Variants in SLC26A4 observed in about 807,000 individuals in gnomAD.
SLC26A4 encodes pendrin.
Under a neutral mutation model 90.4 loss-of-function variants are expected in SLC26A4, and 93 were observed. The observed-to-expected ratio is 1.03, with a 90% CI of 0.87 to 1.22. The LOEUF (loss-of-function observed/expected upper bound fraction) is 1.22. Ranked by LOEUF, SLC26A4 falls within the 50% of genes most tolerant of loss-of-function variation. The pLI is 0.00. For synonymous variants in SLC26A4, 393 were observed against 354.6 expected, an observed-to-expected ratio of 1.11 and a Z score of -1.22; for missense variants, 1,127 against 946.2, an observed-to-expected ratio of 1.19 and a Z score of -2.51.
chr7:107,714,432 G>C (rs1792284751), intron 20 of SLC26A4, among the ~76,000 whole-genome samples: 1 of 152,186 alleles, frequency 6.6e-6, no homozygotes. Context: ...CATTGCTAGA[G>C]TGAAAATCAC....
chr7:107,669,433 T>C (rs1287510407), intron 3 of SLC26A4, among the ~76,000 whole-genome samples: 2 of 152,296 alleles, frequency 1.3e-5, no homozygotes, highest in African/African-American at 4.8e-5. Flanking sequence ...TTTGGGGAAA[T>C]GGAAGTTTGA....
At chr7:107,677,047 C>T (rs973107603) in intron 6 of SLC26A4, among the ~76,000 whole-genome samples, 7 of 152,184 alleles carry the variant, frequency 4.6e-5, no homozygotes, top group South Asian at 4.2e-4. Context: ...CATTGTGGCA[C>T]GCACCTGTAG....
intron 3 of SLC26A4, among the ~76,000 whole-genome samples, chr7:107,663,715 G>T (rs559166458): frequency 2.6e-5 from 4 of 152,064 alleles, no homozygotes; most frequent in Admixed American, 1.3e-4. Flanking sequence ...ACGGGGGCTC[G>T]CTCTGTCACC....
At chr7:107,683,010 G>A (rs1791287923) in intron 6 of SLC26A4, among the ~76,000 whole-genome samples, 192 bp from the exon 7 acceptor site, 1 of 152,062 alleles carries the variant, frequency 6.6e-6, no homozygotes, top group African/African-American at 2.4e-5. Context: ...GCAATTGTAT[G>A]TATGTAATGG....
intron 20 of SLC26A4, among the ~76,000 whole-genome samples, chr7:107,714,445 T>C (rs927113226): frequency 5.9e-5 from 9 of 152,198 alleles, no homozygotes; most frequent in South Asian, 2.1e-4. Context: ...AAAATCACAG[T>C]ACCTGCATCT....
At position 107,712,527 on chromosome 7, in the gene SLC26A4, C is replaced by T. The variant is rs1476785385; in HGVS notation, c.2236-12C>T. The T allele has an allele frequency of 2.8e-6, 4 of 1,414,470 alleles. No individual in the cohort carries two copies. The highest frequency in any genetic ancestry group is 2.3e-5 in the East Asian group (1 of 43,940). 87.6% of individuals were successfully genotyped at this position (1,414,470 alleles called of 1,614,324 possible). ...TGCTATTCTATTTCTACCCTGTGTT[C>T]TCTTTTTCAAGATCACTCTCATTCA... On this transcript the variant is annotated splice_polypyrimidine_tract_variant and intron_variant, in intron 19 of 20. Coordinates refer to ENST00000644269, the MANE Select transcript of SLC26A4 (RefSeq NM_000441.2).
At chr7:107,675,515 A>C (rs1791001281) in intron 6 of SLC26A4, among the ~76,000 whole-genome samples, 1 of 147,692 alleles carries the variant, frequency 6.8e-6, no homozygotes, top group African/African-American at 2.5e-5. Context: ...TCAAGCAAAA[A>C]CAAAATCAAA....
chr7:107,683,262 T>G lies in SLC26A4; in HGVS notation c.826T>G (p.Leu276Val), dbSNP rs1320091265. 6.2e-7 allele frequency: 1 copy of G among 1,613,244 alleles called. No individual in the cohort carries two copies. The highest frequency in any genetic ancestry group is 8.5e-7 in the Non-Finnish European group (1 of 1,179,660). ...CAATCTTGCTGATTTCACTGCTGGA[T>G]TGCTCACCATTGTCGTCTGTATGGC... ...DTNLADFTAG[L>V]LTIVVCMAVK... The change falls in exon 7 of 21, where the codon TTG becomes GTG. Residue 276 changes from leucine to valine, a missense_variant. By Grantham distance (32) the Leu-to-Val change is conservative. Coordinates refer to ENST00000644269, the MANE Select transcript of SLC26A4 (RefSeq NM_000441.2).
chr7:107,693,234 G>A, intron 10 of SLC26A4: 1 of 931,322 alleles, frequency 1.1e-6, no homozygotes, highest in Non-Finnish European at 1.3e-6. Flanking sequence ...AGAAGGGAAA[G>A]AGCACCAGGG....
intron 20 of SLC26A4, among the ~76,000 whole-genome samples, chr7:107,713,380 C>T (rs1792246200): frequency 6.6e-6 from 1 of 152,230 alleles, no homozygotes; most frequent in Non-Finnish European, 1.5e-5. Flanking sequence ...CTAAATGTTA[C>T]TTGTGCTTAC....
intron 13 of SLC26A4, among the ~76,000 whole-genome samples, 156 bp downstream of exon 13, chr7:107,696,195 T>C (rs1034390661): frequency 6.6e-6 from 1 of 152,250 alleles, no homozygotes; most frequent in East Asian, 1.9e-4. Context: ...TTTACAGACA[T>C]ACTTAATCTT....
At chr7:107,699,008 G>A (rs1283730349) in intron 14 of SLC26A4, among the ~76,000 whole-genome samples, 1 of 152,042 alleles carries the variant, frequency 6.6e-6, no homozygotes, top group Non-Finnish European at 1.5e-5. Context: ...TCAACCCTAG[G>A]AAGTTGTAGT....
chr7:107,683,116 T>G, intron 6 of SLC26A4, 86 bp from the exon 7 acceptor site: 79 of 971,094 alleles, frequency 8.1e-5, no homozygotes, highest in Non-Finnish European at 1.1e-4. Context: ...AAGATTCATA[T>G]GAGAATTGAT....
intron 6 of SLC26A4, among the ~76,000 whole-genome samples, chr7:107,678,398 A>T (rs889999009): frequency 2.6e-5 from 4 of 152,180 alleles, no homozygotes; most frequent in Admixed American, 2.0e-4. Context: ...AGGAGGTCCA[A>T]ACTAATTGTT....
chr7:107,687,906 T>C (rs913460627), intron 8 of SLC26A4, among the ~76,000 whole-genome samples: 2 of 152,164 alleles, frequency 1.3e-5, no homozygotes, highest in Admixed American at 6.5e-5. Context: ...ACATCCTGTC[T>C]GTCTACAGAT....
chr7:107,715,681 A>G lies in SLC26A4; in HGVS notation c.*235A>G. The G allele has an allele frequency of 1.7e-6, 1 of 574,426 alleles. No individual in the cohort carries two copies. The highest frequency in any genetic ancestry group is 3.1e-6 in the Non-Finnish European group (1 of 321,900). 35.6% of individuals were successfully genotyped at this position (574,426 alleles called of 1,614,324 possible). The stretch of plus-strand genomic sequence containing the variant: ...AGCGTCCAGGGTAAGCTGGTGTTAT[A>G]ATACGCTGCTGATCTACATCACAGA... On this transcript the variant is annotated 3_prime_UTR_variant, in exon 21 of 21. Transcript: ENST00000644269.
chr7:107,708,568 A>T (rs184603703), intron 18 of SLC26A4, among the ~76,000 whole-genome samples: 157 of 152,282 alleles, frequency 1.0e-3, no homozygotes, highest in African/African-American at 3.6e-3. Context: ...TAAATAAATA[A>T]ATAGGCCGGT....
rs1299447305 is a variant in SLC26A4 at position 107,695,970 on chromosome 7, T to G, written c.1475T>G (p.Leu492Arg). Reference protein sequence around the residue: ...WVFTCIVSIILGLDLGLLAGL... With the variant: ...WVFTCIVSIIRGLDLGLLAGL... The stretch of plus-strand genomic sequence containing the variant: ...TTTACGTGTATAGTGTCCATCATTC[T>G]GGGGCTGGATCTCGGTTTACTAGCT... Residue 492 changes from leucine to arginine, a missense_variant, in exon 13 of 21, where the codon CTG becomes CGG. By Grantham distance (102) the Leu-to-Arg change is moderately radical. Coordinates refer to ENST00000644269, the MANE Select transcript of SLC26A4 (RefSeq NM_000441.2). 1.2e-6 allele frequency: 2 copies of G among 1,612,488 alleles called. No homozygotes were observed. Among genetic ancestry groups the G allele is most frequent in the African/African-American group, 2.7e-5 (2 of 74,984 alleles).
intron 6 of SLC26A4, among the ~76,000 whole-genome samples, chr7:107,677,902 C>A (rs1791071129): frequency 1.3e-5 from 2 of 152,102 alleles, no homozygotes; most frequent in South Asian, 4.1e-4. Flanking sequence ...AAGGAGTGAG[C>A]CACCATGTCC....
Sources: gnomAD v4.1 joint callset for allele counts (sites outside exome capture counted in the v4.1 genomes callset) on GRCh38, gnomAD v4.1.1 for gene constraint, MANE v1.5 for transcripts, NCBI Gene and HGNC (gene_info 2026-07-23, HGNC 2026-07-21) for gene names.